The following BAHCC1 variants were observed in gnomAD, a reference collection of about 807,000 sequenced individuals.
BAHCC1 encodes the protein BAH and coiled-coil domain-containing protein 1.
A neutral mutation model predicts 88.2 loss-of-function variants in BAHCC1; 43 were observed. The ratio of observed to expected loss-of-function variants is 0.49; its 90% CI spans 0.38 to 0.63. The LOEUF (loss-of-function observed/expected upper bound fraction) is 0.63. Ranked by LOEUF, BAHCC1 falls within the 20% of genes least tolerant of loss-of-function variation. The pLI, the probability that BAHCC1 is intolerant of heterozygous loss-of-function variation, is 0.00. For synonymous variants in BAHCC1, 1,510 were observed against 745.5 expected (o/e 2.03, Z -16.71); for missense variants, 3,023 against 1,654.8 (o/e 1.83, Z -14.34).
chr17:81,413,094 G>T, intron 2 of BAHCC1: 1 of 442,346 alleles, frequency 2.3e-6, no homozygotes, highest in South Asian at 1.6e-5. Flanking sequence ...GTGAACACCA[G>T]GGTCCAGGGT....
chr17:81,458,289 G>C lies in BAHCC1; in HGVS notation c.5166G>C (p.Lys1722Asn), dbSNP rs2029909145. Residue 1722 changes from lysine (K) to asparagine (N), a missense_variant, in exon 18 of 28, where the codon AAG (lysine) becomes AAC (asparagine). By Grantham distance (94) the Lys-to-Asn change is moderately conservative. Coordinates refer to ENST00000675386, the MANE Select transcript of BAHCC1 (RefSeq NM_001377448.1). ...GGCCCCCAGGTGCGCTGGGCAAGAA[G>C]AAAGCCAAGGGCAAGGCCAAGGGCA... ...GQRPPGALGK[K>N]KAKGKAKGSL... 1 of 749,808 alleles carries C rather than the reference G, an allele frequency of 1.3e-6. No individual in the cohort carries two copies. The highest frequency in any genetic ancestry group is 2.5e-6 in the Non-Finnish European group (1 of 404,056). 46.4% of individuals were successfully genotyped at this position (749,808 alleles called of 1,614,324 possible).
intron 15 of BAHCC1, among the ~76,000 whole-genome samples, chr17:81,455,750 G>A (rs1555657115): frequency 6.6e-6 from 1 of 152,120 alleles, no homozygotes; most frequent in African/African-American, 2.4e-5. Flanking sequence ...GGCTCCTCCG[G>A]CTGCCGGCAC....
chr17:81,426,684 G>A (rs2143411908), intron 2 of BAHCC1, 116 bp from the exon 3 acceptor site: 1 of 398,294 alleles, frequency 2.5e-6, no homozygotes, highest in East Asian at 3.6e-5. Flanking sequence ...AAAGGCTCTG[G>A]GGGAGATTGG....
chr17:81,403,777 A>G (rs1468452404), intron 2 of BAHCC1, among the ~76,000 whole-genome samples: 1 of 152,198 alleles, frequency 6.6e-6, no homozygotes, highest in Admixed American at 6.5e-5. Flanking sequence ...TTAGACATCA[A>G]AGTTGCCGCG....
chr17:81,400,556 C>T (rs1280524534), intron 2 of BAHCC1, among the ~76,000 whole-genome samples: 3 of 152,178 alleles, frequency 2.0e-5, no homozygotes, highest in Admixed American at 6.5e-5. Context: ...AGCCTCTCAG[C>T]CTGCGGCCCG....
At position 81,443,449 on chromosome 17, in the gene BAHCC1, G is replaced by C; in HGVS notation, c.2100G>C (p.Gln700His). 1 of 741,072 alleles carries C rather than the reference G, an allele frequency of 1.3e-6. No individual in the cohort carries two copies. Among genetic ancestry groups the C allele is most frequent in the Non-Finnish European group, 2.5e-6 (1 of 399,152 alleles). The allele number at this position is 741,072 out of a possible 1,614,324, so 45.9% of individuals were successfully genotyped here. A position where few individuals can be genotyped will look rare whatever the true frequency, so the allele number is the denominator to read the frequency against. ...DTTHGDGEVR[Q>H]PPVGIAVALA... Reference sequence around the variant, plus strand: ...CGCACGGCGACGGGGAGGTGCGGCAGCCCCCTGTGGGCATTGCAGTGGCCT... The same window carrying C: ...CGCACGGCGACGGGGAGGTGCGGCACCCCCCTGTGGGCATTGCAGTGGCCT... The change falls in exon 5 of 28, where the codon CAG becomes CAC. Residue 700 changes from glutamine (Q) to histidine (H), a missense_variant. Transcript: ENST00000675386.
At chr17:81,419,855 C>G (rs1299635397) in intron 2 of BAHCC1, among the ~76,000 whole-genome samples, 1 of 148,310 alleles carries the variant, frequency 6.7e-6, no homozygotes, top group Non-Finnish European at 1.5e-5. Context: ...GCTGTCTCGG[C>G]GGCTCACTTA....
rs1598452946 is a variant in BAHCC1 at position 81,407,459 on chromosome 17, A to G, written c.178+7542A>G. On this transcript the variant is annotated intron_variant, in intron 2 of 27. Transcript: ENST00000675386. ...TTCTTCCCCTGAGACTTCTGCAACC[A>G]GGGGCGCCTCCTGTTCTTAACACAT... is the stretch of plus-strand genomic sequence containing the variant. 4 of 512,254 alleles carry G rather than the reference A, an allele frequency of 7.8e-6. No homozygotes were observed. In the East Asian group the frequency reaches 2.2e-4, roughly 28 times the overall value. The allele number at this position is 512,254 out of a possible 1,614,324, so 31.7% of individuals were successfully genotyped here.
At chr17:81,452,132 C>G (rs374505812) in intron 13 of BAHCC1, 25 bp downstream of exon 13, 89,357 of 558,346 alleles carry the variant, frequency 0.16, 7,235 homozygotes, top group Middle Eastern at 0.23. Flanking sequence ...GCGGGGGGGC[C>G]TGGGAGGGTC....
In BAHCC1 at chr17:81,455,150, CGTG is replaced by C. The variant is rs201415525; in HGVS notation, c.4446-115_4446-113del. On this transcript the variant is annotated intron_variant, in intron 14 of 27. Transcript: ENST00000675386. Reference sequence around the variant, plus strand: ...CACCCCCTGCTCTGTCTGCCCGAGACGTGGGGCCCTTGGAGGAGGGTGACCCAC... The same window carrying C: ...CACCCCCTGCTCTGTCTGCCCGAGACGGGCCCTTGGAGGAGGGTGACCCAC... 1,493 of 636,088 alleles carry C rather than the reference CGTG, an allele frequency of 2.3e-3. 18 individuals are homozygous for C. The African/African-American group carries it at 0.024, about 10-fold the overall frequency. The allele number at this position is 636,088 out of a possible 1,614,324, so 39.4% of individuals were successfully genotyped here.
At chr17:81,401,865 G>C (rs1799258565) in intron 2 of BAHCC1, 1 of 152,452 alleles carries the variant, frequency 6.6e-6, no homozygotes, top group African/African-American at 2.4e-5. Flanking sequence ...TCCTGGCCAG[G>C]TCCAGGCCAG....
chr17:81,439,527 G>A (rs2064382395), intron 4 of BAHCC1, among the ~76,000 whole-genome samples: 1 of 151,580 alleles, frequency 6.6e-6, no homozygotes, highest in Non-Finnish European at 1.5e-5. Context: ...GGGGATCCGA[G>A]AGGTGTCTGG....
chr17:81,443,965 T>G (rs1568020152), intron 6 of BAHCC1, 48 bp downstream of exon 6: 4 of 698,912 alleles, frequency 5.7e-6, no homozygotes, highest in Non-Finnish European at 1.0e-5. Flanking sequence ...GGCCTGGGCT[T>G]GGGGCTCCCC....
intron 2 of BAHCC1, among the ~76,000 whole-genome samples, chr17:81,416,771 A>G (rs1555648807): frequency 6.6e-6 from 1 of 152,178 alleles, no homozygotes; most frequent in Admixed American, 6.5e-5. Context: ...TGTGTCATTG[A>G]CGTCGCCTGT....
intron 26 of BAHCC1, 60 bp from the exon 27 acceptor site, chr17:81,462,680 C>T (rs1173528385): frequency 5.8e-5 from 41 of 707,264 alleles, no homozygotes; most frequent in Admixed American, 1.9e-5. Flanking sequence ...GCCTCCTGGC[C>T]GCCACCTGTC....
At chr17:81,451,413 G>A (rs1295544574) in intron 11 of BAHCC1, among the ~76,000 whole-genome samples, 2 of 152,310 alleles carry the variant, frequency 1.3e-5, no homozygotes, top group Admixed American at 6.5e-5. Context: ...GTCTTGCTCT[G>A]TGACACAGAG....
chr17:81,424,309 C>T (rs1230038866), intron 2 of BAHCC1, among the ~76,000 whole-genome samples: 2 of 152,232 alleles, frequency 1.3e-5, no homozygotes, highest in Admixed American at 1.3e-4. Flanking sequence ...GCTGGGGCCC[C>T]GCTGACCCTG....
chr17:81,422,506 G>A (rs1555649712), intron 2 of BAHCC1, among the ~76,000 whole-genome samples: 6 of 152,356 alleles, frequency 3.9e-5, no homozygotes, highest in Admixed American at 6.5e-5. Flanking sequence ...TGGTGAGGCT[G>A]GTCAGGTGCA....
In BAHCC1 at chr17:81,447,079, C is replaced by T. The variant is rs1240944682; in HGVS notation, c.3207C>T (p.Phe1069=). Residue 1069 remains phenylalanine (F), a synonymous_variant, in exon 11 of 28, where the codon TTC becomes TTT. Transcript: ENST00000675386. ...TGCGCCCCATGGCTGGCCTGGGCTT[C>T]TCCCTACCCTCAGACGTGCACTCTT... ...GYLRPMAGLG[F]SLPSDVHSSN... 2 of 779,434 alleles carry T rather than the reference C, an allele frequency of 2.6e-6. No individual in the cohort carries two copies. The highest frequency in any genetic ancestry group is 2.3e-4 in the Middle Eastern group (1 of 4,440). 48.3% of individuals were successfully genotyped at this position (779,434 alleles called of 1,614,324 possible).
Sources: allele counts gnomAD v4.1 joint callset (sites outside exome capture counted in the v4.1 genomes callset), GRCh38; gene constraint gnomAD v4.1.1; transcripts MANE v1.5; gene names NCBI Gene and HGNC (gene_info 2026-07-23, HGNC 2026-07-21).